Variants in FAM24B observed in about 807,000 individuals in gnomAD.
The protein encoded by FAM24B is family with sequence similarity 24 member B, also known as protein FAM24B.
A neutral mutation model predicts 2.3 loss-of-function variants in FAM24B; 3 were observed. The observed-to-expected ratio is 1.29, with a 90% CI of 0.59 to 3.32. FAM24B has a LOEUF of 3.32. Among genes scored for constraint, FAM24B ranks in the 30% most tolerant of loss-of-function variants. FAM24B has a pLI of 0.03. For synonymous variants in FAM24B, 36 were observed against 46.3 expected, an observed-to-expected ratio of 0.78 and a Z score of 0.90; for missense variants, 98 against 117.2, an observed-to-expected ratio of 0.84 and a Z score of 0.76.
At chr10:122,849,740 C>G (rs1197473084) in intron 3 of FAM24B, among the ~76,000 whole-genome samples, 1 of 151,926 alleles carries the variant, frequency 6.6e-6, no homozygotes, top group African/African-American at 2.4e-5. Context: ...CTGCATTTGG[C>G]TGTGTCCCAG....
intron 1 of FAM24B, among the ~76,000 whole-genome samples, chr10:122,858,033 C>T (rs1847666491): frequency 6.6e-6 from 1 of 152,144 alleles, no homozygotes; most frequent in African/African-American, 2.4e-5. Context: ...TACCATTTGA[C>T]CCAGCCATCC....
intron 2 of FAM24B, among the ~76,000 whole-genome samples, chr10:122,852,559 T>C (rs747721154): frequency 6.6e-6 from 1 of 152,112 alleles, no homozygotes; most frequent in African/African-American, 2.4e-5. Context: ...TGCGAGATAA[T>C]AAAAGTCATG....
intron 2 of FAM24B, among the ~76,000 whole-genome samples, chr10:122,854,684 T>C (rs1334250819): frequency 6.6e-6 from 1 of 152,250 alleles, no homozygotes; most frequent in African/African-American, 2.4e-5. Flanking sequence ...GATGGGGCCA[T>C]GTGTTCCAGA....
chr10:122,860,068 T>C (rs1315813549), intron 1 of FAM24B, among the ~76,000 whole-genome samples: 1 of 152,072 alleles, frequency 6.6e-6, no homozygotes, highest in Non-Finnish European at 1.5e-5. Context: ...CACAGTAAAG[T>C]TCGCTCTTTG....
At chr10:122,870,794 T>C (rs985233664) in intron 1 of FAM24B, among the ~76,000 whole-genome samples, 24 of 152,158 alleles carry the variant, frequency 1.6e-4, no homozygotes, top group African/African-American at 5.1e-4. Context: ...CTCAAAATAA[T>C]AAGAGCTATC....
intron 1 of FAM24B, among the ~76,000 whole-genome samples, chr10:122,867,882 G>A (rs927279070): frequency 5.9e-5 from 9 of 152,180 alleles, no homozygotes; most frequent in Non-Finnish European, 8.8e-5. Flanking sequence ...AAATCAGAGC[G>A]CCTCTCCTCC....
At chr10:122,873,060 A>C (rs1361079562) in intron 1 of FAM24B, among the ~76,000 whole-genome samples, 4 of 152,218 alleles carry the variant, frequency 2.6e-5, no homozygotes, top group African/African-American at 9.6e-5. Context: ...AAGGTACAGC[A>C]AGTTATCTAG....
chr10:122,861,758 G>A (rs1471471487), intron 1 of FAM24B, among the ~76,000 whole-genome samples: 4 of 152,122 alleles, frequency 2.6e-5, no homozygotes, highest in Non-Finnish European at 5.9e-5. Flanking sequence ...TGGTACACAT[G>A]AGCAGTGAAT....
At chr10:122,865,723 C>T (rs1029028655) in intron 1 of FAM24B, among the ~76,000 whole-genome samples, 7 of 151,854 alleles carry the variant, frequency 4.6e-5, no homozygotes, top group Admixed American at 1.3e-4. Flanking sequence ...TGGGAAAATT[C>T]ACAAGTGAAC....
intron 1 of FAM24B, among the ~76,000 whole-genome samples, chr10:122,859,505 T>G (rs1053669703): frequency 2.0e-5 from 3 of 152,164 alleles, no homozygotes; most frequent in African/African-American, 7.2e-5. Context: ...TCAAAGGCAT[T>G]CCACCAAGCC....
At chr10:122,864,899 G>C (rs1411436575) in intron 1 of FAM24B, among the ~76,000 whole-genome samples, 1 of 152,178 alleles carries the variant, frequency 6.6e-6, no homozygotes, top group African/African-American at 2.4e-5. Context: ...TTACTTGCTA[G>C]CTCATTTATT....
In FAM24B at chr10:122,850,454, C is replaced by T. The variant is rs1193026563; in HGVS notation, c.62G>A (p.Cys21Tyr). Residue 21 changes from cysteine (C) to tyrosine (Y), a missense_variant, in exon 3 of 4, where the codon TGT (cysteine) becomes TAT (tyrosine). Coordinates refer to ENST00000368898, the MANE Select transcript of FAM24B (RefSeq NM_152644.3). The part of the protein sequence containing the change: ...ALLLLIVVVL[C>Y]LYFKIHNALK... Reference sequence around the variant, plus strand: ...CGCGTTGTGTATTTTGAAGTAAAGACAGAGCACGACAACTATCAGCAGGAG... The same window carrying T: ...CGCGTTGTGTATTTTGAAGTAAAGATAGAGCACGACAACTATCAGCAGGAG... 6.2e-7 allele frequency: 1 copy of T among 1,614,120 alleles called. No individual in the cohort carries two copies. Among genetic ancestry groups the T allele is most frequent in the East Asian group, 2.2e-5 (1 of 44,870 alleles).
chr10:122,849,575 T>A, intron 3 of FAM24B, 136 bp from the exon 4 acceptor site: 1 of 667,486 alleles, frequency 1.5e-6, no homozygotes, highest in Admixed American at 3.4e-5. Context: ...ATTAAAGCTC[T>A]CTCCCCCATC....
chr10:122,872,486 C>G (rs1847913153), intron 1 of FAM24B, among the ~76,000 whole-genome samples: 1 of 152,116 alleles, frequency 6.6e-6, no homozygotes, highest in African/African-American at 2.4e-5. Context: ...CACATGCACA[C>G]ATATATTTAT....
intron 1 of FAM24B, among the ~76,000 whole-genome samples, chr10:122,867,551 G>C (rs184224947): frequency 6.6e-6 from 1 of 152,156 alleles, no homozygotes. Context: ...TAGTAGGAGC[G>C]GACTGACACC....
At chr10:122,856,996 T>G (rs1295651289) in intron 1 of FAM24B, among the ~76,000 whole-genome samples, 1 of 152,146 alleles carries the variant, frequency 6.6e-6, no homozygotes, top group Non-Finnish European at 1.5e-5. Flanking sequence ...AATTTGGTTG[T>G]TTGTGATTGT....
Position 122,849,170 on chromosome 10 carries a change from T to C in FAM24B, c.*77A>G. The C allele has an allele frequency of 7.2e-6, 8 of 1,117,002 alleles. No individual in the cohort carries two copies. The highest frequency in any genetic ancestry group is 9.9e-6 in the Non-Finnish European group (8 of 805,198). 69.2% of individuals were successfully genotyped at this position (1,117,002 alleles called of 1,614,324 possible). Reference sequence around the variant, plus strand: ...ATTATATAATCTCACATAAAAACACTAGAACTTGATTTGAATAACAAAACA... The same window carrying C: ...ATTATATAATCTCACATAAAAACACCAGAACTTGATTTGAATAACAAAACA... On this transcript the variant is annotated 3_prime_UTR_variant, in exon 4 of 4. Coordinates refer to ENST00000368898, the MANE Select transcript of FAM24B (RefSeq NM_152644.3).
chr10:122,871,063 A>G (rs1406992563), intron 1 of FAM24B, among the ~76,000 whole-genome samples: 1 of 152,200 alleles, frequency 6.6e-6, no homozygotes, highest in East Asian at 1.9e-4. Flanking sequence ...AAATCTCCTT[A>G]AGCTGATAGG....
rs141756767 is a variant in FAM24B, at chr10:122,850,432, G to A, written c.84C>T (p.Asn28=). The A allele has an allele frequency of 5.9e-4, 946 of 1,613,484 alleles. 3 individuals are homozygous for A. In the African/African-American group the frequency reaches 0.011, roughly 19 times the overall value. The change falls in exon 3 of 4, where the codon AAC becomes AAT. Residue 28 remains asparagine, a synonymous_variant. Transcript: ENST00000368898. Reference sequence around the variant, plus strand: ...TTGAACTTGTGACTCACTTTAGCGCGTTGTGTATTTTGAAGTAAAGACAGA... The same window carrying A: ...TTGAACTTGTGACTCACTTTAGCGCATTGTGTATTTTGAAGTAAAGACAGA... ...VVLCLYFKIH[N]ALKAAKEPEA...
Sources: gnomAD v4.1 joint callset for allele counts (sites outside exome capture counted in the v4.1 genomes callset) on GRCh38, gnomAD v4.1.1 for gene constraint, MANE v1.5 for transcripts, NCBI Gene and HGNC (gene_info 2026-07-23, HGNC 2026-07-21) for gene names.